Variants in ARID2 observed in about 807,000 individuals in gnomAD.
The protein encoded by ARID2 is AT-rich interactive domain-containing protein 2.
Under a neutral mutation model 184.6 loss-of-function variants are expected in ARID2, and 32 were observed. The ratio of observed to expected loss-of-function variants is 0.17; its 90% CI spans 0.13 to 0.23. The LOEUF (loss-of-function observed/expected upper bound fraction) is 0.23, where lower values mean the gene tolerates loss of function less well. Ranked by LOEUF, ARID2 falls within the 10% of genes least tolerant of loss-of-function variation. The probability of loss-of-function intolerance (pLI) is 1.00; values close to 1 mark genes in which losing one functional copy is unlikely to be tolerated. For synonymous variants in ARID2, 836 were observed against 772.6 expected (o/e 1.08, Z -1.36); for missense variants, 1,696 against 2,197.6 (o/e 0.77, Z 4.56).
intron 16 of ARID2, among the ~76,000 whole-genome samples, chr12:45,888,578 C>T (rs1004952605): frequency 6.6e-6 from 1 of 152,136 alleles, no homozygotes; most frequent in African/African-American, 2.4e-5. Flanking sequence ...TTACCAGTAC[C>T]TCCACTACCC....
rs138720373 is a variant in ARID2, at chr12:45,736,214, A to G, written c.284+4900A>G. Among the ~76,000 whole-genome samples the G allele has an allele frequency of 7.7e-3, 1,173 of 152,200 alleles. 19 individuals carry two copies. The highest frequency in any genetic ancestry group is 0.068 in the South Asian group (326 of 4,824). ...CTACTAAAAATACAAAAAATTAGCTAGGCGTGGTGGCATGCACCTGTAGTC... is the reference window on the plus strand; with the variant it reads ...CTACTAAAAATACAAAAAATTAGCTGGGCGTGGTGGCATGCACCTGTAGTC... On this transcript the variant is annotated intron_variant, in intron 3 of 20. Transcript: ENST00000334344.
intron 16 of ARID2, among the ~76,000 whole-genome samples, chr12:45,862,983 G>A (rs1244736848): frequency 6.6e-6 from 1 of 152,124 alleles, no homozygotes; most frequent in Non-Finnish European, 1.5e-5. Flanking sequence ...CTACGAGGGT[G>A]CATGTGCCAG....
intron 3 of ARID2, among the ~76,000 whole-genome samples, chr12:45,792,037 A>G (rs902624208): frequency 2.0e-5 from 3 of 152,088 alleles, no homozygotes; most frequent in African/African-American, 7.2e-5. Context: ...TACTTTGACT[A>G]TGTTGATTCT....
intron 15 of ARID2, among the ~76,000 whole-genome samples, chr12:45,854,921 C>A (rs569479831): frequency 4.6e-5 from 7 of 152,270 alleles, no homozygotes; most frequent in African/African-American, 1.7e-4. Flanking sequence ...TAGTAACTTG[C>A]CCAAGGTTAC....
At position 45,729,795 on chromosome 12, in the gene ARID2, A is replaced by G; in HGVS notation, c.-42A>G. 1 of 1,553,016 alleles carries G rather than the reference A, an allele frequency of 6.4e-7. No homozygotes were observed. The highest frequency in any genetic ancestry group is 8.7e-7 in the Non-Finnish European group (1 of 1,145,698). ...CGCTGGGAGCGGGGGGCGCTTTTAA[A>G]ACACCGATCTGGGTTTTTTAAAAAC... On this transcript the variant is annotated 5_prime_UTR_variant, in exon 1 of 21. Coordinates refer to ENST00000334344, the MANE Select transcript of ARID2 (RefSeq NM_152641.4).
intron 3 of ARID2, among the ~76,000 whole-genome samples, chr12:45,739,672 A>T (rs1294535864): frequency 6.6e-6 from 1 of 152,032 alleles, no homozygotes; most frequent in Admixed American, 6.6e-5. Flanking sequence ...TGTGTGCACA[A>T]AGATGATCTT....
In ARID2 at chr12:45,849,655, A is replaced by G; in HGVS notation, c.1791A>G (p.Val597=). 1 of 1,613,826 alleles carries G rather than the reference A, an allele frequency of 6.2e-7. No individual in the cohort carries two copies. Residue 597 remains valine, a synonymous_variant, in exon 14 of 21, where the codon GTA becomes GTG. Coordinates refer to ENST00000334344, the MANE Select transcript of ARID2 (RefSeq NM_152641.4). ...SSNGQAHIHV[V]GVKRRAIPLP... ...ATGGGCAGGCACATATTCATGTGGT[A>G]GGAGTAAAACGGAGGGCTATACCAC...
intron 16 of ARID2, among the ~76,000 whole-genome samples, chr12:45,885,434 C>T (rs568804639): frequency 6.6e-6 from 1 of 151,948 alleles, no homozygotes; most frequent in African/African-American, 2.4e-5. Context: ...AAAAAAATCC[C>T]TTGCATTTTA....
intron 3 of ARID2, among the ~76,000 whole-genome samples, chr12:45,733,192 A>G (rs1011704471): frequency 6.6e-6 from 1 of 152,210 alleles, no homozygotes; most frequent in Non-Finnish European, 1.5e-5. Context: ...AAATAAAACC[A>G]TGTGAAGATT....
At chr12:45,893,371 T>C in intron 18 of ARID2, 49 bp from the exon 19 acceptor site, 1 of 1,560,532 alleles carries the variant, frequency 6.4e-7, no homozygotes, top group Admixed American at 1.9e-5. Context: ...TCAGTCTGTC[T>C]GCAGTATCAC....
At chr12:45,810,376 T>C (rs1166917341) in intron 3 of ARID2, among the ~76,000 whole-genome samples, 1 of 152,160 alleles carries the variant, frequency 6.6e-6, no homozygotes, top group African/African-American at 2.4e-5. Flanking sequence ...GTCTTATAAA[T>C]TGGTCAAAAT....
At chr12:45,864,495 AT>A (rs1312739010) in intron 16 of ARID2, among the ~76,000 whole-genome samples, 2 of 144,244 alleles carry the variant, frequency 1.4e-5, no homozygotes, top group East Asian at 2.1e-4. Flanking sequence ...ATCCCTCTTA[AT>A]TTTTTTTTCT....
chr12:45,736,426 A>G (rs1941124588), intron 3 of ARID2, among the ~76,000 whole-genome samples: 2 of 152,206 alleles, frequency 1.3e-5, no homozygotes, highest in Non-Finnish European at 2.9e-5. Context: ...TAGAAGTTGG[A>G]AAGGAAGGAA....
intron 3 of ARID2, among the ~76,000 whole-genome samples, chr12:45,751,354 A>ACCAG (rs905910524): frequency 2.0e-5 from 3 of 152,208 alleles, no homozygotes; most frequent in Non-Finnish European, 4.4e-5. Flanking sequence ...TAGTGACCAG[A>ACCAG]CCAGAGGAAA....
chr12:45,745,715 T>C (rs182986076), intron 3 of ARID2, among the ~76,000 whole-genome samples: 107 of 152,174 alleles, frequency 7.0e-4, no homozygotes, highest in African/African-American at 2.5e-3. Context: ...GCCTGGCTAA[T>C]TTTTTTGTAC....
chr12:45,737,004 A>G (rs1162522906), intron 3 of ARID2, among the ~76,000 whole-genome samples: 3 of 152,204 alleles, frequency 2.0e-5, no homozygotes, highest in Non-Finnish European at 4.4e-5. Flanking sequence ...TACATTTTCT[A>G]CTGTTTAAAC....
chr12:45,840,126 A>G (rs1943315053), intron 11 of ARID2: 1 of 152,084 alleles, frequency 6.6e-6, no homozygotes, highest in Admixed American at 6.6e-5. Flanking sequence ...ATGAGTCATC[A>G]TTTTTTATAT....
intron 16 of ARID2, among the ~76,000 whole-genome samples, chr12:45,887,766 C>T (rs1249484211): frequency 2.0e-5 from 3 of 152,162 alleles, no homozygotes; most frequent in Non-Finnish European, 4.4e-5. Context: ...ACGAACTTCC[C>T]GAGGCTCCAC....
chr12:45,768,653 G>C (rs978817915), intron 3 of ARID2, among the ~76,000 whole-genome samples: 1 of 152,174 alleles, frequency 6.6e-6, no homozygotes, highest in African/African-American at 2.4e-5. Context: ...GGTAGGTGCA[G>C]TGGAGATAAA....
Sources: gnomAD v4.1 joint callset for allele counts (sites outside exome capture counted in the v4.1 genomes callset) on GRCh38, gnomAD v4.1.1 for gene constraint, MANE v1.5 for transcripts, NCBI Gene and HGNC (gene_info 2026-07-23, HGNC 2026-07-21) for gene names.